The following TGM2 variants were observed in gnomAD, a reference collection of about 807,000 sequenced individuals.
The protein encoded by TGM2 is transglutaminase 2.
A neutral mutation model predicts 75.6 loss-of-function variants in TGM2; 53 were observed. That is an observed-to-expected ratio of 0.70 (90% CI 0.56 to 0.88). The LOEUF is 0.88. TGM2 is among the 40% of genes least tolerant of loss of function. The probability of loss-of-function intolerance (pLI) is 0.00; values close to 1 mark genes in which losing one functional copy is unlikely to be tolerated. For missense variants in TGM2, 842 were observed against 928.5 expected (o/e 0.91, Z 1.21); for synonymous variants, 374 against 381.1 (o/e 0.98, Z 0.22).
chr20:38,157,625 G>T (rs2075203990), intron 2 of TGM2, among the ~76,000 whole-genome samples: 1 of 152,210 alleles, frequency 6.6e-6, no homozygotes, highest in Non-Finnish European at 1.5e-5. Flanking sequence ...AATGAGGCCA[G>T]TAGCAGTACC....
intron 2 of TGM2, among the ~76,000 whole-genome samples, chr20:38,159,242 C>G (rs2075225029): frequency 6.6e-6 from 1 of 152,052 alleles, no homozygotes; most frequent in Admixed American, 6.5e-5. Context: ...TTATCCTCAG[C>G]GAACGAACGC....
chr20:38,165,623 T>G (rs1205261487), upstream of TGM2, among the ~76,000 whole-genome samples: 1 of 151,312 alleles, frequency 6.6e-6, no homozygotes, highest in African/African-American at 2.4e-5. Context: ...GACACACAGA[T>G]GTGGACTCTT....
chr20:38,136,466 C>A (rs1478885743), intron 10 of TGM2, among the ~76,000 whole-genome samples: 4 of 152,224 alleles, frequency 2.6e-5, no homozygotes, highest in Non-Finnish European at 5.9e-5. Flanking sequence ...CACACTGAAT[C>A]CCAGGCATGA....
chr20:38,142,339 G>T, intron 6 of TGM2, 140 bp from the exon 7 acceptor site: 1 of 1,349,104 alleles, frequency 7.4e-7, no homozygotes, highest in East Asian at 2.5e-5. Flanking sequence ...CTTCCTGCCG[G>T]GACAATGGCG....
intron 3 of TGM2, among the ~76,000 whole-genome samples, chr20:38,154,026 C>T (rs183809300): frequency 1.1e-4 from 17 of 152,174 alleles, no homozygotes; most frequent in Non-Finnish European, 2.2e-4. Flanking sequence ...GCCATGTTGG[C>T]CAGGCTGGTC....
intron 4 of TGM2, among the ~76,000 whole-genome samples, chr20:38,149,278 CTGT>C (rs1292450004): frequency 6.6e-6 from 1 of 152,190 alleles, no homozygotes; most frequent in African/African-American, 2.4e-5. Flanking sequence ...TCCCCATAGG[CTGT>C]TATTCCTTCC....
chr20:38,139,515 G>A lies in TGM2; in HGVS notation c.1239C>T (p.His413=), dbSNP rs747091756. 1.2e-6 allele frequency: 2 copies of A among 1,614,226 alleles called. No homozygotes were observed. The highest frequency in any genetic ancestry group is 2.2e-5 in the South Asian group (2 of 91,082). ...CGATCAGGGAACGGTTGATGGATTT[G>A]TGCACAGACCCATCGTCCTGCTGGA... is the stretch of plus-strand genomic sequence containing the variant. ...DWIQQDDGSV[H]KSINRSLIVG... is the part of the protein sequence containing the mutation. Residue 413 remains histidine (H), a synonymous_variant, in exon 9 of 13, where the codon CAC becomes CAT. Transcript: ENST00000361475.
chr20:38,132,381 C>T lies in TGM2; in HGVS notation c.1735G>A (p.Glu579Lys), dbSNP rs768058051. 6.2e-7 allele frequency: 1 copy of T among 1,614,162 alleles called. No individual in the cohort carries two copies. The highest frequency in any genetic ancestry group is 1.1e-5 in the South Asian group (1 of 91,082). Reference protein sequence around the residue: ...EPVINSYLLAERDLYLENPEI... With the variant: ...EPVINSYLLAKRDLYLENPEI... The stretch of plus-strand genomic sequence containing the variant: ...GGATTCTCCAGGTAGAGGTCCCTCT[C>T]AGCCAGCAGGTAGCTGTTGATAACT... Residue 579 changes from glutamate to lysine, a missense_variant, in exon 11 of 13, where the codon GAG becomes AAG. Glu to Lys is a moderately conservative substitution (Grantham distance 56). Coordinates refer to ENST00000361475, the MANE Select transcript of TGM2 (RefSeq NM_004613.4).
intron 5 of TGM2, 62 bp from the exon 6 acceptor site, chr20:38,146,956 G>T: frequency 6.4e-7 from 1 of 1,559,804 alleles, no homozygotes; most frequent in Non-Finnish European, 8.7e-7. Flanking sequence ...GTGCCGCCTG[G>T]GTGAGCCTGA....
rs550944704 is a variant in TGM2, at chr20:38,141,085, C to T, written c.1099+197G>A. On this transcript the variant is annotated intron_variant, in intron 8 of 12. Transcript: ENST00000361475. Reference sequence around the variant, plus strand: ...GAGCTTCTCTGTATTTCCTGCTTTCCGCAATGCACGTGAATTATTTTTGAG... The same window carrying T: ...GAGCTTCTCTGTATTTCCTGCTTTCTGCAATGCACGTGAATTATTTTTGAG... Among the ~76,000 whole-genome samples, 54 of 152,224 alleles carry T rather than the reference C, an allele frequency of 3.5e-4. No homozygotes were observed. In the East Asian group the frequency reaches 8.9e-3, roughly 25 times the overall value.
intron 1 of TGM2, among the ~76,000 whole-genome samples, chr20:38,163,232 G>A (rs186556442): frequency 5.1e-5 from 7 of 137,292 alleles, no homozygotes; most frequent in African/African-American, 1.7e-4. Flanking sequence ...AGCCCTTAAG[G>A]TGGGAGGAGT....
chr20:38,140,843 G>A (rs1294552211), intron 8 of TGM2, among the ~76,000 whole-genome samples: 1 of 152,084 alleles, frequency 6.6e-6, no homozygotes, highest in Non-Finnish European at 1.5e-5. Flanking sequence ...CCTAGAAAGT[G>A]TCCATATGCA....
At chr20:38,132,049 G>A (rs1284695771) in intron 11 of TGM2, among the ~76,000 whole-genome samples, 2 of 151,898 alleles carry the variant, frequency 1.3e-5, no homozygotes, top group Non-Finnish European at 2.9e-5. Context: ...CCAGTGCCTG[G>A]GGGTTCCAGC....
At chr20:38,136,822 A>G (rs978593449) in intron 10 of TGM2, among the ~76,000 whole-genome samples, 1 of 152,070 alleles carries the variant, frequency 6.6e-6, no homozygotes, top group Non-Finnish European at 1.5e-5. Flanking sequence ...CTGCCTCGCT[A>G]TGTGACCTCA....
At chr20:38,165,432 C>T (rs2075302132), upstream of TGM2, 2 of 600,762 alleles carry the variant, frequency 3.3e-6, no homozygotes, top group Admixed American at 3.3e-5. Flanking sequence ...GAGGGAGGGA[C>T]GGCGGCCGGA....
chr20:38,140,228 T>C (rs1277646517), intron 8 of TGM2, among the ~76,000 whole-genome samples: 1 of 152,268 alleles, frequency 6.6e-6, no homozygotes, highest in East Asian at 1.9e-4. Context: ...CGCCCCACAC[T>C]GTCCGCAGAC....
chr20:38,143,336 T>G (rs2075000583), intron 6 of TGM2, among the ~76,000 whole-genome samples: 2 of 152,322 alleles, frequency 1.3e-5, no homozygotes, highest in African/African-American at 4.8e-5. Context: ...TCTTTGTGCA[T>G]TAGTGATGCC....
chr20:38,128,091 A>T lies in TGM2; in HGVS notation c.*2128T>A, dbSNP rs2074784721. The T allele has an allele frequency of 6.6e-6, 1 of 152,232 alleles. No homozygotes were observed. Among genetic ancestry groups the T allele is most frequent in the Non-Finnish European group, 1.5e-5 (1 of 68,052 alleles). The allele number at this position is 152,232 out of a possible 1,614,324, so 9.4% of individuals were successfully genotyped here. ...ACTCTGGGGACCCGAAAAGATATCA[A>T]GGAAGGTTTCACAGAAGAGGTGACT... is the stretch of plus-strand genomic sequence containing the variant. On this transcript the variant is annotated 3_prime_UTR_variant, in exon 13 of 13. Coordinates refer to ENST00000361475, the MANE Select transcript of TGM2 (RefSeq NM_004613.4).
intron 3 of TGM2, among the ~76,000 whole-genome samples, chr20:38,154,938 T>A (rs2122948710): frequency 6.6e-6 from 1 of 152,302 alleles, no homozygotes; most frequent in African/African-American, 2.4e-5. Flanking sequence ...AAACTCCGTT[T>A]CTACTAAAAA....
Sources: allele counts gnomAD v4.1 joint callset (sites outside exome capture counted in the v4.1 genomes callset), GRCh38; gene constraint gnomAD v4.1.1; transcripts MANE v1.5; gene names NCBI Gene and HGNC (gene_info 2026-07-23, HGNC 2026-07-21).